The following ADGRL1 variants were observed in gnomAD, a reference collection of about 807,000 sequenced individuals.
ADGRL1 encodes adhesion G protein-coupled receptor L1, also known as CIRL-1.
Under a neutral mutation model 148.9 loss-of-function variants are expected in ADGRL1, and 31 were observed. The ratio of observed to expected loss-of-function variants is 0.21; its 90% CI spans 0.16 to 0.28. The LOEUF (loss-of-function observed/expected upper bound fraction) is 0.28, where lower values mean the gene tolerates loss of function less well. Ranked by LOEUF, ADGRL1 falls within the 10% of genes least tolerant of loss-of-function variation. ADGRL1 has a pLI of 1.00. For missense variants in ADGRL1, 1,521 were observed against 2,058.8 expected (o/e 0.74, Z 5.05); for synonymous variants, 937 against 900.3 (o/e 1.04, Z -0.73).
chr19:14,201,872 A>G (rs1304304363), intron 1 of ADGRL1, among the ~76,000 whole-genome samples: 4 of 152,098 alleles, frequency 2.6e-5, no homozygotes, highest in Admixed American at 2.0e-4. Flanking sequence ...GAAATTACAG[A>G]CTATGTGAAA....
At position 14,159,003 on chromosome 19, in the gene ADGRL1, C is replaced by G; in HGVS notation, c.2149+87G>C. 1.3e-6 allele frequency: 2 copies of G among 1,545,928 alleles called. No homozygotes were observed. The highest frequency in any genetic ancestry group is 1.7e-5 in the Admixed American group (1 of 57,608). On this transcript the variant is annotated intron_variant, in intron 11 of 22. Coordinates refer to ENST00000361434, the MANE Select transcript of ADGRL1 (RefSeq NM_014921.5). The surrounding 1 kb of genome is among the most constrained non-coding windows in gnomAD (Gnocchi z 6.0). ...GAGAAAAGGTCAGCACCGCTGCCCT[C>G]TACAAATGGCACAGAGACGCTGGCA...
At position 14,152,306 on chromosome 19, in the gene ADGRL1, C is replaced by T. The variant is rs765986715; in HGVS notation, c.3649+3G>A. ...ACCTGGGATGTTTCCCCCGTGCTCT[C>T]ACCTGGGGAGTTGAAGACAGGGGGC... On this transcript the variant is annotated splice_donor_region_variant and intron_variant, in intron 21 of 22. Coordinates refer to ENST00000361434, the MANE Select transcript of ADGRL1 (RefSeq NM_014921.5). The surrounding 1 kb of genome is among the most constrained non-coding windows in gnomAD (Gnocchi z 6.1). 6.3e-7 allele frequency: 1 copy of T among 1,599,946 alleles called. No individual in the cohort carries two copies. The highest frequency in any genetic ancestry group is 1.1e-5 in the South Asian group (1 of 89,094).
intron 1 of ADGRL1, among the ~76,000 whole-genome samples, chr19:14,204,852 AC>A (rs1972877455): frequency 6.6e-6 from 1 of 151,366 alleles, no homozygotes; most frequent in African/African-American, 2.4e-5. Context: ...GGGAAGACAG[AC>A]CCCAGCTCTG....
chr19:14,155,562 G>A lies in ADGRL1; in HGVS notation c.3126-35C>T, dbSNP rs188739352. On this transcript the variant is annotated intron_variant, in intron 17 of 22. Coordinates refer to ENST00000361434, the MANE Select transcript of ADGRL1 (RefSeq NM_014921.5). The surrounding 1 kb of genome is among the most constrained non-coding windows in gnomAD (Gnocchi z 5.0). ...GGGCGACAGGGGAGTCAAAGTACCC[G>A]CCGGAGGGGACGGCCTCAGCCCAGG... is the stretch of plus-strand genomic sequence containing the variant. The A allele has an allele frequency of 5.0e-6, 8 of 1,609,118 alleles. No individual in the cohort carries two copies. The highest frequency in any genetic ancestry group is 2.2e-5 in the East Asian group (1 of 44,814).
Position 14,151,055 on chromosome 19 carries a change from CGGGAGGGGGTGG to C in ADGRL1, c.4216_4227del (p.Pro1406_Pro1409del). 4.1e-6 allele frequency: 1 copy of C among 246,282 alleles called. No individual in the cohort carries two copies. The highest frequency in any genetic ancestry group is 1.1e-4 in the African/African-American group (1 of 8,744). The allele number at this position is 246,282 out of a possible 1,614,324, so 15.3% of individuals were successfully genotyped here. A position where few individuals can be genotyped will look rare whatever the true frequency, so the allele number is the denominator to read the frequency against. ...TAGATTTCGGGGGGGCCGGGGGGTG[CGGGAGGGGGTGG>C]GGGCAGGGCCTCACTGGGCCCCTCA... is the stretch of plus-strand genomic sequence containing the variant. On this transcript the variant is annotated inframe_deletion, in exon 23 of 23. Coordinates refer to ENST00000361434, the MANE Select transcript of ADGRL1 (RefSeq NM_014921.5).
intron 22 of ADGRL1, 134 bp downstream of exon 22, chr19:14,151,999 T>G (rs1599380999): frequency 1.2e-6 from 1 of 821,698 alleles, no homozygotes; most frequent in Non-Finnish European, 2.1e-6. Context: ...CCAGAGGCTG[T>G]GTGTCGGGGG....
In ADGRL1 at chr19:14,164,124, T is replaced by C. The variant is rs386507353; in HGVS notation, c.395-718A>G. Among the ~76,000 whole-genome samples, 758 of 150,826 alleles carry C rather than the reference T, an allele frequency of 5.0e-3. 5 individuals carry two copies. The highest frequency in any genetic ancestry group is 9.0e-3 in the Non-Finnish European group (610 of 67,488). On this transcript the variant is annotated intron_variant, in intron 4 of 22. Transcript: ENST00000361434. ...CCCCACCCAGTACCCACGAAGTCAG[T>C]AGCCGAGGAAGGGATTCCCAGAGGC...
At chr19:14,196,259 C>G in intron 1 of ADGRL1, among the ~76,000 whole-genome samples, 1 of 152,226 alleles carries the variant, frequency 6.6e-6, no homozygotes, top group East Asian at 1.9e-4. Flanking sequence ...CGCTTCCCTC[C>G]TCTGCTCAGA....
intron 1 of ADGRL1, among the ~76,000 whole-genome samples, chr19:14,194,422 G>A (rs1431035458): frequency 6.6e-6 from 1 of 152,202 alleles, no homozygotes; most frequent in African/African-American, 2.4e-5. Context: ...GCATCTAGCT[G>A]GGCTCTCCAG....
chr19:14,193,725 C>T (rs1972091129), intron 1 of ADGRL1, among the ~76,000 whole-genome samples: 1 of 152,202 alleles, frequency 6.6e-6, no homozygotes, highest in South Asian at 2.1e-4. Flanking sequence ...AACTGACGCC[C>T]TTATACAAAG....
At chr19:14,195,441 G>C (rs1328911749) in intron 1 of ADGRL1, among the ~76,000 whole-genome samples, 1 of 137,660 alleles carries the variant, frequency 7.3e-6, no homozygotes, top group Non-Finnish European at 1.6e-5. Context: ...CTGCGTGCTC[G>C]AGTGGGTGGG....
chr19:14,167,329 T>C (rs1970071144), intron 4 of ADGRL1, among the ~76,000 whole-genome samples: 1 of 146,626 alleles, frequency 6.8e-6, no homozygotes, highest in Admixed American at 6.8e-5. Flanking sequence ...ACAGGGGTGG[T>C]AGGGGGGTAC....
At chr19:14,200,712 A>G (rs185552763) in intron 1 of ADGRL1, among the ~76,000 whole-genome samples, 17 of 152,320 alleles carry the variant, frequency 1.1e-4, no homozygotes, top group Admixed American at 9.8e-4. Flanking sequence ...TCCCAGCTCA[A>G]GTGATCCTCC....
intron 1 of ADGRL1, among the ~76,000 whole-genome samples, chr19:14,199,724 A>G (rs1568635154): frequency 6.6e-6 from 1 of 151,486 alleles, no homozygotes; most frequent in Non-Finnish European, 1.5e-5. Flanking sequence ...CGGCTGTTGC[A>G]ATTTTATTTT....
Position 14,175,447 on chromosome 19 carries a change from G to C in ADGRL1, c.284+2084C>G, listed in dbSNP as rs191388935. On this transcript the variant is annotated intron_variant, in intron 3 of 22. Transcript: ENST00000361434. ...CACAGATATGAAAACACACACCTCA[G>C]TCAGCCACACCCGCTCACACACATG... Among the ~76,000 whole-genome samples the C allele has an allele frequency of 1.7e-3, 238 of 139,802 alleles. 2 individuals are homozygous for C. The highest frequency in any genetic ancestry group is 2.6e-3 in the Non-Finnish European group (174 of 66,150). The allele number at this position is 139,802 out of a possible 152,430, so 91.7% of individuals were successfully genotyped here.
intron 1 of ADGRL1, 128 bp from the exon 2 acceptor site, chr19:14,183,825 G>A (rs1210019556): frequency 1.8e-6 from 1 of 550,686 alleles, no homozygotes; most frequent in Admixed American, 3.4e-5. Flanking sequence ...CCTATCTGTA[G>A]GGCCCCCTCC....
rs147703056 is a variant in ADGRL1 at position 14,170,755 on chromosome 19, G to A, written c.321C>T (p.Gly107=). 4.8e-5 allele frequency: 77 copies of A among 1,612,278 alleles called. No homozygotes were observed. The highest frequency in any genetic ancestry group is 6.4e-5 in the Non-Finnish European group (75 of 1,178,940). The change falls in exon 4 of 23, where the codon GGC becomes GGT. Residue 107 remains glycine, a synonymous_variant. Coordinates refer to ENST00000361434, the MANE Select transcript of ADGRL1 (RefSeq NM_014921.5). The part of the protein sequence containing the change: ...NNRTQCVVVA[G]SDAFPDPCPG... ...GACAGGGGTCAGGAAAGGCATCCGAGCCGGCGACCACCACGCACTGGGTGC... is the reference window on the plus strand; with the variant it reads ...GACAGGGGTCAGGAAAGGCATCCGAACCGGCGACCACCACGCACTGGGTGC...
At position 14,158,486 on chromosome 19, in the gene ADGRL1, G is replaced by T; in HGVS notation, c.2216C>A (p.Thr739Lys). Residue 739 changes from threonine (T) to lysine (K), a missense_variant, in exon 12 of 23, where the codon ACA (threonine) becomes AAA (lysine). By Grantham distance (78) the Thr-to-Lys change is moderately conservative. This residue lies in a region of ADGRL1 where 265 missense variants were observed against 431.9 expected (regional missense o/e 0.61). Coordinates refer to ENST00000361434, the MANE Select transcript of ADGRL1 (RefSeq NM_014921.5). ...GCCTGCTTCGCCGGCCAGCTTCACT[G>T]TGGCATTCTCCGTGGACAGGAAGAG... ...LGLFLSTENATVKLAGEAGPG... is the reference protein window; with the variant it reads ...LGLFLSTENAKVKLAGEAGPG... 1 of 1,614,064 alleles carries T rather than the reference G, an allele frequency of 6.2e-7. No homozygotes were observed. The highest frequency in any genetic ancestry group is 2.2e-5 in the East Asian group (1 of 44,884).
chr19:14,156,089 G>A, intron 17 of ADGRL1, 21 bp downstream of exon 17: 2 of 1,579,160 alleles, frequency 1.3e-6, no homozygotes, highest in Non-Finnish European at 1.7e-6. Flanking sequence ...GGGGCAGGGG[G>A]CAGGCAGGGG....
Sources: gnomAD v4.1 joint callset for allele counts (sites outside exome capture counted in the v4.1 genomes callset) on GRCh38, gnomAD v4.1.1 for gene constraint, gnomAD v4.1.1 regional missense constraint, Gnocchi (gnomAD v3.1) non-coding constraint, MANE v1.5 for transcripts, NCBI Gene and HGNC (gene_info 2026-07-23, HGNC 2026-07-21) for gene names.